MEIOSIN: variants seen among roughly 807,000 people sequenced by gnomAD.
MEIOSIN encodes meiosis initiator.
In MEIOSIN, 18 loss-of-function variants were observed where a neutral mutation model predicts 23.4. The ratio of observed to expected loss-of-function variants is 0.77; its 90% confidence interval spans 0.53 to 1.14. The LOEUF (loss-of-function observed/expected upper bound fraction) is 1.14, where lower values mean the gene tolerates loss of function less well. Among genes scored for constraint, MEIOSIN ranks in the 50% most tolerant of loss-of-function variants. The pLI, the probability that MEIOSIN is intolerant of heterozygous loss-of-function variation, is 0.00. For missense variants in MEIOSIN, 428 were observed against 242.9 expected (o/e 1.76, Z -5.07); for synonymous variants, 187 against 100.6 (o/e 1.86, Z -5.14).
Position 45,734,705 on chromosome 19 carries a change from C to T in MEIOSIN, c.1-672C>T, listed in dbSNP as rs544320225. Among the ~76,000 whole-genome samples, 29 of 140,824 alleles carry T rather than the reference C, an allele frequency of 2.1e-4. No homozygotes were observed. The East Asian group carries it at 5.2e-3, about 25-fold the overall frequency. 92.4% of individuals were successfully genotyped at this position (140,824 alleles called of 152,430 possible). A position where few individuals can be genotyped will look rare whatever the true frequency, so the allele number is the denominator to read the frequency against. On this transcript the variant is annotated intron_variant, in intron 1 of 14. Coordinates refer to ENST00000457052, the MANE Select transcript of MEIOSIN (RefSeq NM_001310124.2). ...TTTTTTTGTAGAGGTGGAGTTTTGT[C>T]ATATTGCCAGGCTGGTCTCAAACTC...
chr19:45,736,644 C>T (rs1968412645), intron 2 of MEIOSIN, among the ~76,000 whole-genome samples: 1 of 152,132 alleles, frequency 6.6e-6, no homozygotes, highest in Non-Finnish European at 1.5e-5. Flanking sequence ...TCTGGGCTCA[C>T]TGCAAGCTCA....
intron 13 of MEIOSIN, among the ~76,000 whole-genome samples, chr19:45,762,809 G>A (rs942058069): frequency 2.6e-5 from 4 of 152,198 alleles, no homozygotes; most frequent in Non-Finnish European, 5.9e-5. Context: ...TTGAGACATA[G>A]CTGGTTTTAG....
At chr19:45,763,199 G>A (rs934867051) in intron 13 of MEIOSIN, 139 bp from the exon 14 acceptor site, 3 of 396,122 alleles carry the variant, frequency 7.6e-6, no homozygotes, top group Non-Finnish European at 1.3e-5. Context: ...AACAGCCGCT[G>A]AGTCCAGCTC....
rs938879748 is a variant in MEIOSIN at position 45,763,827 on chromosome 19, A to T, written c.1770-144A>T. The T allele has an allele frequency of 1.5e-5, 6 of 397,390 alleles. No individual in the cohort carries two copies. In the Admixed American group the frequency reaches 2.6e-4, roughly 18 times the overall value. The allele number at this position is 397,390 out of a possible 1,614,324, so 24.6% of individuals were successfully genotyped here. A position where few individuals can be genotyped will look rare whatever the true frequency, so the allele number is the denominator to read the frequency against. On this transcript the variant is annotated intron_variant, in intron 14 of 14. Transcript: ENST00000457052. ...CCCTTGGCCGAGTCCCATCTTACTG[A>T]CTGGGACTTGGTGGACCCAAGGCTC...
intron 5 of MEIOSIN, among the ~76,000 whole-genome samples, chr19:45,752,328 G>T (rs1230199594): frequency 6.6e-6 from 1 of 151,806 alleles, no homozygotes; most frequent in Admixed American, 6.6e-5. Context: ...CCATTCTCCT[G>T]CCTCAGCCTC....
intron 3 of MEIOSIN, among the ~76,000 whole-genome samples, chr19:45,744,113 G>A (rs895513541): frequency 4.0e-5 from 6 of 149,862 alleles, no homozygotes; most frequent in Admixed American, 2.7e-4. Context: ...TGCAGCTTCC[G>A]CCTCTCAGGT....
Position 45,761,855 on chromosome 19 carries a change from G to C in MEIOSIN, c.1422G>C (p.Trp474Cys), listed in dbSNP as rs1490577421. 3.0e-6 allele frequency: 2 copies of C among 673,734 alleles called. No individual in the cohort carries two copies. Among genetic ancestry groups the C allele is most frequent in the African/African-American group, 3.5e-5 (2 of 56,656 alleles). The allele number at this position is 673,734 out of a possible 1,614,324, so 41.7% of individuals were successfully genotyped here. Residue 474 changes from tryptophan (W) to cysteine (C), a missense_variant, in exon 12 of 15, where the codon TGG becomes TGC. Trp to Cys is a radical substitution (Grantham distance 215). Transcript: ENST00000457052. Reference sequence around the variant, plus strand: ...AGGACAGCGACTCGGAGCCCCTGTGGAAGCAGCGAGAGGTGAGAGACACGG... The same window carrying C: ...AGGACAGCGACTCGGAGCCCCTGTGCAAGCAGCGAGAGGTGAGAGACACGG... ...SSEDSDSEPL[W>C]KQREDMQANP... is the part of the protein sequence containing the mutation.
chr19:45,751,341 T>C (rs1244436496), intron 5 of MEIOSIN, among the ~76,000 whole-genome samples: 1 of 150,676 alleles, frequency 6.6e-6, no homozygotes, highest in African/African-American at 2.4e-5. Flanking sequence ...AATCTGATCA[T>C]GACCTTCCCC....
intron 5 of MEIOSIN, among the ~76,000 whole-genome samples, chr19:45,751,868 T>G (rs890354901): frequency 6.6e-5 from 10 of 150,844 alleles, no homozygotes; most frequent in Admixed American, 2.7e-4. Flanking sequence ...GTAGGTAGGA[T>G]TACAGGCACT....
At chr19:45,738,502 C>G (rs376822262) in intron 2 of MEIOSIN, among the ~76,000 whole-genome samples, 1 of 152,316 alleles carries the variant, frequency 6.6e-6, no homozygotes, top group East Asian at 1.9e-4. Context: ...CCGGTAATCC[C>G]AAGCTACTCA....
At chr19:45,748,281 C>T (rs1280402013) in intron 4 of MEIOSIN, among the ~76,000 whole-genome samples, 4 of 152,138 alleles carry the variant, frequency 2.6e-5, no homozygotes, top group Non-Finnish European at 5.9e-5. Flanking sequence ...AGGGTTTCAC[C>T]GTGTTAGCCA....
intron 9 of MEIOSIN, among the ~76,000 whole-genome samples, chr19:45,757,767 C>T (rs1034584075): frequency 1.3e-5 from 2 of 151,684 alleles, no homozygotes; most frequent in Non-Finnish European, 2.9e-5. Flanking sequence ...GTGATCTGCC[C>T]GCCTCAGCCT....
chr19:45,752,019 C>T (rs1330613675), intron 5 of MEIOSIN, among the ~76,000 whole-genome samples: 1 of 148,838 alleles, frequency 6.7e-6, no homozygotes, highest in Admixed American at 6.9e-5. Context: ...AGCTGTGAGC[C>T]CCTGCTCCTA....
chr19:45,736,445 CT>C (rs1968409526), intron 2 of MEIOSIN, among the ~76,000 whole-genome samples: 1 of 152,162 alleles, frequency 6.6e-6, no homozygotes, highest in Admixed American at 6.5e-5. Flanking sequence ...TCACTGCAAC[CT>C]CTGCCTCCCA....
rs59054027 is a variant in MEIOSIN, at chr19:45,761,789, A to ATCCAGC, written c.1389_1394dup (p.Ser464_Ser465dup). 319,731 of 671,118 alleles carry ATCCAGC rather than the reference A, an allele frequency of 0.48. 78,648 individuals are homozygous for ATCCAGC. The highest frequency in any genetic ancestry group is 0.65 in the East Asian group (23,197 of 35,650). 41.6% of individuals were successfully genotyped at this position (671,118 alleles called of 1,614,324 possible). ...CGCTGAGCGGGAACAGCAAGGCGCC[A>ATCCAGC]TCCAGCTCCAGCTCCAGCTCCAGCT... On this transcript the variant is annotated inframe_insertion, in exon 12 of 15. Coordinates refer to ENST00000457052, the MANE Select transcript of MEIOSIN (RefSeq NM_001310124.2).
intron 3 of MEIOSIN, among the ~76,000 whole-genome samples, chr19:45,741,339 T>C (rs969244256): frequency 1.3e-5 from 2 of 151,608 alleles, no homozygotes; most frequent in Non-Finnish European, 2.9e-5. Context: ...AGCGAGACTC[T>C]GTCTCGGGGG....
At chr19:45,734,931 T>C (rs971465999) in intron 1 of MEIOSIN, among the ~76,000 whole-genome samples, 3 of 152,068 alleles carry the variant, frequency 2.0e-5, no homozygotes, top group Non-Finnish European at 2.9e-5. Context: ...TCTCACTCTG[T>C]TGTCCAGGCT....
intron 2 of MEIOSIN, among the ~76,000 whole-genome samples, chr19:45,738,569 A>G (rs1968448423): frequency 6.6e-6 from 1 of 152,250 alleles, no homozygotes; most frequent in African/African-American, 2.4e-5. Flanking sequence ...CAGTGAGCCA[A>G]GATCGCGCCG....
intron 3 of MEIOSIN, among the ~76,000 whole-genome samples, chr19:45,741,344 C>T (rs75453236): frequency 0.017 from 2,488 of 147,994 alleles, 72 homozygotes; most frequent in African/African-American, 0.059. Context: ...GACTCTGTCT[C>T]GGGGGAAAAA....
Sources: allele counts gnomAD v4.1 joint callset (sites outside exome capture counted in the v4.1 genomes callset), GRCh38; gene constraint gnomAD v4.1.1; transcripts MANE v1.5; gene names NCBI Gene and HGNC (gene_info 2026-07-23, HGNC 2026-07-21).